Variants in PUDP observed in about 807,000 individuals in gnomAD.
The protein encoded by PUDP is pseudouridine-5'-phosphatase.
In PUDP, 8 loss-of-function variants were observed where a neutral mutation model predicts 9.4. The observed-to-expected ratio is 0.85, with a 90% CI of 0.50 to 1.53. PUDP has a LOEUF of 1.53. PUDP is among the 40% of genes most tolerant of loss of function. The probability of loss-of-function intolerance (pLI) is 0.00; values close to 1 mark genes in which losing one functional copy is unlikely to be tolerated. For synonymous variants in PUDP, 99 were observed against 80.7 expected (o/e 1.23, Z -1.22); for missense variants, 188 against 189.7 (o/e 0.99, Z 0.05).
chrX:6,860,639 T>G (rs750226749), intron 3 of PUDP, among the ~76,000 whole-genome samples: 174 of 110,095 alleles, frequency 1.6e-3, no homozygotes, highest in African/African-American at 5.4e-3. Context: ...ACCCGGCTAA[T>G]TTTTGTATTT....
chrX:6,915,708 A>G, intron 3 of PUDP, among the ~76,000 whole-genome samples: 1 of 112,303 alleles, frequency 8.9e-6, no homozygotes, highest in East Asian at 2.8e-4. Flanking sequence ...AAAAGATACT[A>G]AAGTGTTTGA....
intron 1 of PUDP, among the ~76,000 whole-genome samples, chrX:7,113,967 TC>T (rs1294155201): frequency 9.0e-6 from 1 of 111,616 alleles, no homozygotes; most frequent in Non-Finnish European, 1.9e-5. Flanking sequence ...GGGAGGGCCT[TC>T]TTGCTGGTGG....
intron 3 of PUDP, among the ~76,000 whole-genome samples, chrX:6,916,544 T>C (rs907839226): frequency 9.0e-6 from 1 of 111,069 alleles, no homozygotes; most frequent in Non-Finnish European, 1.9e-5. Flanking sequence ...AGACTCAGCA[T>C]GTTTCCCTCG....
intron 3 of PUDP, among the ~76,000 whole-genome samples, chrX:6,825,004 A>G (rs946529337): frequency 6.3e-5 from 7 of 111,693 alleles, no homozygotes; most frequent in African/African-American, 2.0e-4. Flanking sequence ...ACTTAAATTT[A>G]CGTTGTTTAA....
At chrX:6,834,816 A>G (rs1926557339) in intron 3 of PUDP, among the ~76,000 whole-genome samples, 3 of 111,183 alleles carry the variant, frequency 2.7e-5, no homozygotes, top group Non-Finnish European at 5.7e-5. Context: ...GAGAGAGTGC[A>G]AGAGATCAAA....
At chrX:6,900,330 G>A (rs986603159) in intron 3 of PUDP, among the ~76,000 whole-genome samples, 29 of 106,851 alleles carry the variant, frequency 2.7e-4, no homozygotes, top group Non-Finnish European at 4.3e-4. Flanking sequence ...ACCACTTGGG[G>A]GGGGGGGCGC....
In PUDP at chrX:6,900,591, A is replaced by AAG. The variant is rs779020790; in HGVS notation, c.*247+76540_*247+76541dup. Among the ~76,000 whole-genome samples, 690 of 80,221 alleles carry AAG rather than the reference A, an allele frequency of 8.6e-3. 5 individuals are homozygous for AAG. The highest frequency in any genetic ancestry group is 0.025 in the African/African-American group (633 of 25,359). The allele number at this position is 80,221 out of a possible 115,157, so 69.7% of individuals were successfully genotyped here. A position where few individuals can be genotyped will look rare whatever the true frequency, so the allele number is the denominator to read the frequency against. ...AGAGAGGGAGACGGAGAGGGAGAGA[A>AAG]AGAGAGAGAGAGAGAGAGAATGCTA... On this transcript the variant is annotated intron_variant and NMD_transcript_variant, in intron 3 of 3. Coordinates refer to the PUDP transcript ENST00000655425.
intron 2 of PUDP, among the ~76,000 whole-genome samples, chrX:7,091,123 A>G (rs1931409332): frequency 1.8e-5 from 2 of 111,805 alleles, no homozygotes; most frequent in African/African-American, 6.5e-5. Flanking sequence ...CTGTCCTCAC[A>G]GAAGCTATAC....
intron 1 of PUDP, among the ~76,000 whole-genome samples, chrX:7,000,207 A>G (rs1929307006): frequency 8.9e-6 from 1 of 111,821 alleles, no homozygotes; most frequent in African/African-American, 3.2e-5. Flanking sequence ...TGTAAATACT[A>G]TAGAGATAAA....
chrX:6,748,530 A>C (rs902799939), intron 3 of PUDP, among the ~76,000 whole-genome samples: 4 of 111,418 alleles, frequency 3.6e-5, no homozygotes, highest in African/African-American at 1.3e-4. Flanking sequence ...AAATGCAAAA[A>C]TCCTAGGAGG....
upstream of PUDP, among the ~76,000 whole-genome samples, chrX:6,721,811 C>T (rs1201845291): frequency 9.0e-6 from 1 of 111,599 alleles, no homozygotes; most frequent in Non-Finnish European, 1.9e-5. Context: ...TATCCTTAAA[C>T]TGGACAAGTT....
At chrX:7,012,852 C>T (rs1321553198) in intron 1 of PUDP, among the ~76,000 whole-genome samples, 1 of 110,699 alleles carries the variant, frequency 9.0e-6, no homozygotes, top group Non-Finnish European at 1.9e-5. Context: ...ATCTCAAAGG[C>T]ATTTTCTTCT....
chrX:6,773,259 C>G (rs1230338008), intron 3 of PUDP, among the ~76,000 whole-genome samples: 5 of 112,187 alleles, frequency 4.5e-5, no homozygotes, highest in African/African-American at 1.6e-4. Context: ...GCCATGCTAT[C>G]AGGGGACTCT....
At chrX:7,116,959 T>G in intron 1 of PUDP, 1 of 1,166,697 alleles carries the variant, frequency 8.6e-7, no homozygotes, top group Non-Finnish European at 1.1e-6. Context: ...TGCCTGCTCC[T>G]GCTTACCCGT....
In PUDP at chrX:7,050,136, G is replaced by T; in HGVS notation, c.*160C>A. ...CCGTCAAGTCACATTTTATCAACAC[G>T]TTAGACTGGGACAAACCAACATGGG... On this transcript the variant is annotated 3_prime_UTR_variant, in exon 4 of 4. Transcript: ENST00000381077. 4.2e-6 allele frequency: 2 copies of T among 473,228 alleles called. No individual in the cohort carries two copies. The highest frequency in any genetic ancestry group is 5.2e-5 in the South Asian group (1 of 19,160). 39.0% of individuals were successfully genotyped at this position (473,228 alleles called of 1,213,427 possible). A position where few individuals can be genotyped will look rare whatever the true frequency, so the allele number is the denominator to read the frequency against.
At chrX:6,949,759 T>C (rs1197991741) in intron 3 of PUDP, among the ~76,000 whole-genome samples, 1 of 112,410 alleles carries the variant, frequency 8.9e-6, no homozygotes, top group Non-Finnish European at 1.9e-5. Context: ...ATGGTTTCTC[T>C]GGGTCAGGAA....
chrX:6,910,726 G>A (rs1273100573), intron 3 of PUDP, among the ~76,000 whole-genome samples: 7 of 112,205 alleles, frequency 6.2e-5, no homozygotes, highest in South Asian at 3.7e-4. Context: ...TTAACCAGGC[G>A]TTGCTTGGGG....
chrX:7,133,184 A>T (rs1932661656), intron 1 of PUDP, among the ~76,000 whole-genome samples: 1 of 111,508 alleles, frequency 9.0e-6, no homozygotes, highest in South Asian at 3.8e-4. Flanking sequence ...TTTAAAATAC[A>T]ATGCTTCAGA....
chrX:7,037,815 C>T (rs1293319102), intron 1 of PUDP, among the ~76,000 whole-genome samples: 1 of 111,079 alleles, frequency 9.0e-6, no homozygotes, highest in Admixed American at 9.6e-5. Flanking sequence ...CAATGAATCT[C>T]ATGGGGTGAG....
Sources: gnomAD v4.1 joint callset for allele counts (sites outside exome capture counted in the v4.1 genomes callset) on GRCh38, gnomAD v4.1.1 for gene constraint, MANE v1.5 for transcripts, NCBI Gene and HGNC (gene_info 2026-07-23, HGNC 2026-07-21) for gene names.